SLC35A3: variants seen among roughly 807,000 people sequenced by gnomAD.
SLC35A3 encodes the protein UDP-N-acetylglucosamine transporter.
Under a neutral mutation model 39.0 loss-of-function variants are expected in SLC35A3, and 26 were observed. The ratio of observed to expected loss-of-function variants is 0.67; its 90% CI spans 0.49 to 0.92. SLC35A3 has a LOEUF of 0.92. SLC35A3 is among the 40% of genes least tolerant of loss of function. The pLI is 0.00. For synonymous variants in SLC35A3, 135 were observed against 133.1 expected (o/e 1.01, Z -0.10); for missense variants, 299 against 371.6 (o/e 0.80, Z 1.61).
intron 5 of SLC35A3, among the ~76,000 whole-genome samples, chr1:100,012,642 G>C (rs939521571): frequency 6.6e-6 from 1 of 152,242 alleles, no homozygotes. Context: ...ATTGTTCCTA[G>C]GAGTATAGAT....
chr1:100,007,305 T>C (rs1659309527), intron 4 of SLC35A3, 149 bp downstream of exon 4: 8 of 634,440 alleles, frequency 1.3e-5, no homozygotes, highest in Non-Finnish European at 2.1e-5. Context: ...GCATCCTTTA[T>C]GTGACATACT....
intron 1 of SLC35A3, among the ~76,000 whole-genome samples, chr1:99,986,347 G>A (rs561522885): frequency 6.6e-6 from 1 of 150,542 alleles, no homozygotes; most frequent in East Asian, 2.0e-4. Context: ...GTATTTTTTA[G>A]GAGAGACATG....
rs1184910048 is a variant in SLC35A3, at chr1:100,031,687, C to T, written c.*9211C>T. 1 of 152,178 alleles carries T rather than the reference C, an allele frequency of 6.6e-6. No individual in the cohort carries two copies. The highest frequency in any genetic ancestry group is 1.5e-5 in the Non-Finnish European group (1 of 68,032). The allele number at this position is 152,178 out of a possible 1,614,324, so 9.4% of individuals were successfully genotyped here. On this transcript the variant is annotated 3_prime_UTR_variant, in exon 8 of 8. Coordinates refer to ENST00000533028, the MANE Select transcript of SLC35A3 (RefSeq NM_012243.3). ...AAATCTGCATATAAGTGGACCCATG[C>T]AGTTCAAATCTGTTGTTCAAGAGTC...
chr1:99,997,401 TATATAGTTTTATATATATATATATATA>T (rs1557832678), intron 2 of SLC35A3, among the ~76,000 whole-genome samples: 16 of 120,608 alleles, frequency 1.3e-4, no homozygotes, highest in South Asian at 2.8e-4. Context: ...ATATGTTTTA[TATATAGTTTTATATATATATATATATA>T]TATATATATA....
At chr1:100,021,254 G>A (rs1339305385) in intron 7 of SLC35A3, among the ~76,000 whole-genome samples, 1 of 151,860 alleles carries the variant, frequency 6.6e-6, no homozygotes, top group African/African-American at 2.4e-5. Flanking sequence ...ATCCCAGCTA[G>A]TCGGGAGGCT....
At chr1:99,974,778 T>C (rs1657017517) in intron 1 of SLC35A3, among the ~76,000 whole-genome samples, 1 of 152,150 alleles carries the variant, frequency 6.6e-6, no homozygotes, top group South Asian at 2.1e-4. Flanking sequence ...AATACCTCCT[T>C]TTACAGATTA....
Position 100,030,843 on chromosome 1 carries a change from T to G in SLC35A3, c.*8367T>G, listed in dbSNP as rs1216586165. Reference sequence around the variant, plus strand: ...AAGTGCTTTTTTAATATATGCATGCTGCTTCAATAGGTCTTTTAAATATAG... The same window carrying G: ...AAGTGCTTTTTTAATATATGCATGCGGCTTCAATAGGTCTTTTAAATATAG... On this transcript the variant is annotated 3_prime_UTR_variant, in exon 8 of 8. Coordinates refer to ENST00000533028, the MANE Select transcript of SLC35A3 (RefSeq NM_012243.3). The G allele has an allele frequency of 2.0e-5, 3 of 152,224 alleles. No individual in the cohort carries two copies. Among genetic ancestry groups the G allele is most frequent in the African/African-American group, 7.2e-5 (3 of 41,452 alleles). The allele number at this position is 152,224 out of a possible 1,614,324, so 9.4% of individuals were successfully genotyped here.
chr1:99,972,529 G>A (rs1390995799), intron 1 of SLC35A3, among the ~76,000 whole-genome samples: 1 of 151,580 alleles, frequency 6.6e-6, no homozygotes, highest in Non-Finnish European at 1.5e-5. Context: ...AGAGACGGGG[G>A]TTTCACCATG....
intron 1 of SLC35A3, among the ~76,000 whole-genome samples, chr1:99,972,967 C>T (rs1034379509): frequency 6.6e-6 from 1 of 152,186 alleles, no homozygotes; most frequent in Non-Finnish European, 1.5e-5. Context: ...TAGGCTGCCT[C>T]AATTATATTT....
At chr1:99,991,607 A>G (rs1658089087) in intron 1 of SLC35A3, among the ~76,000 whole-genome samples, 1 of 152,222 alleles carries the variant, frequency 6.6e-6, no homozygotes, top group Admixed American at 6.5e-5. Flanking sequence ...TTGTTTACCA[A>G]AAAAGCCTAC....
intron 3 of SLC35A3, among the ~76,000 whole-genome samples, chr1:100,002,544 C>A (rs1658881828): frequency 6.6e-6 from 1 of 151,934 alleles, no homozygotes; most frequent in African/African-American, 2.4e-5. Context: ...TTTCATGAAA[C>A]CAATTCTTCT....
At chr1:99,977,763 T>C (rs938469071) in intron 1 of SLC35A3, among the ~76,000 whole-genome samples, 3 of 152,170 alleles carry the variant, frequency 2.0e-5, no homozygotes, top group Admixed American at 6.5e-5. Context: ...GGTCTGGAAC[T>C]CCTGGGCTCA....
chr1:100,012,621 C>T (rs1005901041), intron 5 of SLC35A3, among the ~76,000 whole-genome samples: 2 of 152,270 alleles, frequency 1.3e-5, no homozygotes, highest in East Asian at 3.9e-4. Flanking sequence ...GAACCAGGAA[C>T]TCTATTACCT....
chr1:100,005,510 G>T (rs1383576278), intron 3 of SLC35A3, among the ~76,000 whole-genome samples: 1 of 152,046 alleles, frequency 6.6e-6, no homozygotes, highest in Admixed American at 6.5e-5. Flanking sequence ...ATCGTTTTGG[G>T]TTGACTCTAT....
At chr1:100,012,407 G>A (rs1191778304) in intron 5 of SLC35A3, among the ~76,000 whole-genome samples, 3 of 152,062 alleles carry the variant, frequency 2.0e-5, no homozygotes, top group Admixed American at 6.6e-5. Flanking sequence ...GTGCTTCATG[G>A]ATTTCTTATT....
intron 4 of SLC35A3, among the ~76,000 whole-genome samples, chr1:100,011,098 T>G (rs1449000901): frequency 1.3e-5 from 2 of 152,208 alleles, no homozygotes; most frequent in Admixed American, 6.5e-5. Context: ...AGGAATTATC[T>G]CAAGGTAGCA....
At position 100,023,781 on chromosome 1, in the gene SLC35A3, G is replaced by A. The variant is rs1391102252; in HGVS notation, c.*1305G>A. 2 of 152,278 alleles carry A rather than the reference G, an allele frequency of 1.3e-5. No individual in the cohort carries two copies. The highest frequency in any genetic ancestry group is 4.8e-5 in the African/African-American group (2 of 41,446). 9.4% of individuals were successfully genotyped at this position (152,278 alleles called of 1,614,324 possible). A position where few individuals can be genotyped will look rare whatever the true frequency, so the allele number is the denominator to read the frequency against. On this transcript the variant is annotated 3_prime_UTR_variant, in exon 8 of 8. Coordinates refer to ENST00000533028, the MANE Select transcript of SLC35A3 (RefSeq NM_012243.3). The stretch of plus-strand genomic sequence containing the variant: ...CCTAGCAGTTTGGGAGGCTGAGGCA[G>A]GTGGATCACAAGGTCAAGAGATTGA...
At chr1:99,993,491 A>G (rs1031254373) in intron 1 of SLC35A3, 46 bp from the exon 2 acceptor site, 30 of 1,523,150 alleles carry the variant, frequency 2.0e-5, no homozygotes, top group Non-Finnish European at 2.6e-5. Flanking sequence ...ACTAGTTTTC[A>G]TATGTTGTAA....
In SLC35A3 at chr1:100,029,738, TTTTAA is replaced by T. The variant is rs1398511251; in HGVS notation, c.*7267_*7271del. The T allele has an allele frequency of 6.6e-6, 1 of 152,190 alleles. No individual in the cohort carries two copies. The highest frequency in any genetic ancestry group is 2.4e-5 in the African/African-American group (1 of 41,444). The allele number at this position is 152,190 out of a possible 1,614,324, so 9.4% of individuals were successfully genotyped here. ...GAGCCATCACACCCAGCCCAGAGAC[TTTTAA>T]TTTATACATTGTCATTTTTAATTTT... On this transcript the variant is annotated 3_prime_UTR_variant, in exon 8 of 8. Transcript: ENST00000533028.
Sources: gnomAD v4.1 joint callset for allele counts (sites outside exome capture counted in the v4.1 genomes callset) on GRCh38, gnomAD v4.1.1 for gene constraint, MANE v1.5 for transcripts, NCBI Gene and HGNC (gene_info 2026-07-23, HGNC 2026-07-21) for gene names.